The following ARRDC5 variants were observed in gnomAD, a reference collection of about 807,000 sequenced individuals.
The protein encoded by ARRDC5 is arrestin domain-containing protein 5.
Under a neutral mutation model 13.3 loss-of-function variants are expected in ARRDC5, and 12 were observed. That is an observed-to-expected ratio of 0.90 (90% CI 0.58 to 1.46). The LOEUF (loss-of-function observed/expected upper bound fraction) is 1.46. Ranked by LOEUF, ARRDC5 falls within the 40% of genes most tolerant of loss-of-function variation. The probability of loss-of-function intolerance (pLI) is 0.00; values close to 1 mark genes in which losing one functional copy is unlikely to be tolerated. For synonymous variants in ARRDC5, 181 were observed against 173.4 expected (o/e 1.04, Z -0.34); for missense variants, 406 against 418.7 (o/e 0.97, Z 0.26).
At chr19:4,910,714 TG>T in the ARRDC5 span, 1 of 684,774 alleles carries the variant, frequency 1.5e-6, no homozygotes, top group Non-Finnish European at 2.3e-6. Flanking sequence ...TTGTTGTGTC[TG>T]GTCCTGGCCA....
intron 2 of ARRDC5, among the ~76,000 whole-genome samples, chr19:4,894,338 C>G (rs1262818169): frequency 2.7e-5 from 4 of 150,408 alleles, no homozygotes; most frequent in Non-Finnish European, 5.9e-5. Context: ...GGTGAAACCC[C>G]GTCTCTACTA....
upstream of ARRDC5, among the ~76,000 whole-genome samples, chr19:4,904,379 T>C (rs112029523): frequency 0.014 from 2,134 of 152,122 alleles, 42 homozygotes; most frequent in African/African-American, 0.048. Context: ...CGGGGTTTCA[T>C]CATGTTAGCC....
At chr19:4,908,071 T>C in the ARRDC5 span, among the ~76,000 whole-genome samples, 1 of 152,180 alleles carries the variant, frequency 6.6e-6, no homozygotes, top group East Asian at 1.9e-4. Flanking sequence ...CTTTGACCTT[T>C]TGTATCCCTT....
intron 2 of ARRDC5, among the ~76,000 whole-genome samples, chr19:4,896,399 C>CAT (rs1297041082): frequency 3.6e-4 from 47 of 130,964 alleles, no homozygotes; most frequent in Middle Eastern, 7.8e-3. Flanking sequence ...CACACACACA[C>CAT]ACACACATAT....
chr19:4,911,130 C>A, the ARRDC5 span: 12 of 1,238,558 alleles, frequency 9.7e-6, no homozygotes, highest in Non-Finnish European at 1.2e-5. Context: ...CCCACCTCCC[C>A]CCCCAACAAC....
chr19:4,912,359 C>G, the ARRDC5 span, among the ~76,000 whole-genome samples: 1 of 152,216 alleles, frequency 6.6e-6, no homozygotes, highest in Non-Finnish European at 1.5e-5. Context: ...GCACAGAAGG[C>G]TTCATTTCAC....
chr19:4,898,540 T>C (rs567847601), intron 1 of ARRDC5, among the ~76,000 whole-genome samples: 22 of 152,218 alleles, frequency 1.4e-4, no homozygotes, highest in African/African-American at 5.1e-4. Context: ...TTTTGTATTT[T>C]TAGTAGAGAT....
In ARRDC5 at chr19:4,896,849, G is replaced by T; in HGVS notation, c.281C>A (p.Thr94Asn). The T allele has an allele frequency of 6.2e-7, 1 of 1,613,790 alleles. No homozygotes were observed. Among genetic ancestry groups the T allele is most frequent in the East Asian group, 2.2e-5 (1 of 44,882 alleles). Residue 94 changes from threonine (T) to asparagine (N), a missense_variant, in exon 2 of 3, where the codon ACC becomes AAC. By Grantham distance (65) the Thr-to-Asn change is moderately conservative (BLOSUM62 0). Transcript: ENST00000650722. ...AGGTAAGTTGAAATGGAAGTCAAAGGTGTGGCTGCCTGCACTTAACCAATT... is the reference window on the plus strand; with the variant it reads ...AGGTAAGTTGAAATGGAAGTCAAAGTTGTGGCTGCCTGCACTTAACCAATT... ...EDNWLSAGSH[T>N]FDFHFNLPPR...
In ARRDC5 at chr19:4,891,277, C is replaced by T. The variant is rs753936870; in HGVS notation, c.756G>A (p.Lys252=). The stretch of plus-strand genomic sequence containing the variant: ...ACGGCAGGTTGAAGGTGCTGACAAC[C>T]TTGGTGGTGTTGAAGCGGGTCACGG... ...NTPVTRFNTT[K]VVSTFNLPLL... The change falls in exon 3 of 3, where the codon AAG becomes AAA. Residue 252 remains lysine, a synonymous_variant. Transcript: ENST00000650722. 1.9e-6 allele frequency: 3 copies of T among 1,613,940 alleles called. No individual in the cohort carries two copies. The highest frequency in any genetic ancestry group is 2.2e-5 in the South Asian group (2 of 91,086).
At chr19:4,910,744 G>A in the ARRDC5 span, 1 of 1,100,554 alleles carries the variant, frequency 9.1e-7, no homozygotes. Context: ...CTGTACAGGA[G>A]GACTGGAAGG....
upstream of ARRDC5, among the ~76,000 whole-genome samples, chr19:4,904,324 G>A (rs1026296614): frequency 1.9e-4 from 29 of 152,170 alleles, no homozygotes; most frequent in Admixed American, 4.6e-4. Flanking sequence ...GACTACAGGC[G>A]TCCGCCACAA....
chr19:4,899,762 T>TCCA (rs2031852230), intron 1 of ARRDC5, among the ~76,000 whole-genome samples: 1 of 21,938 alleles, frequency 4.6e-5, no homozygotes, highest in Non-Finnish European at 7.4e-5. Flanking sequence ...ACCCCGTCTC[T>TCCA]ACAAAAAAAA....
chr19:4,896,764 A>G lies in ARRDC5; in HGVS notation c.366T>C (p.Ala122=). ...AAATGTGTTCCCTGCCCATGCAGGA[A>G]GCTTGTACGAAATAGAAGACATGGC... is the stretch of plus-strand genomic sequence containing the variant. ...KFGHVFYFVQ[A]SCMGREHILA... is the part of the protein sequence containing the mutation. Residue 122 remains alanine (A), a synonymous_variant, in exon 2 of 3, where the codon GCT becomes GCC. Transcript: ENST00000650722. 1 of 1,613,760 alleles carries G rather than the reference A, an allele frequency of 6.2e-7. No individual in the cohort carries two copies. Among genetic ancestry groups the G allele is most frequent in the Non-Finnish European group, 8.5e-7 (1 of 1,179,740 alleles).
intron 2 of ARRDC5, among the ~76,000 whole-genome samples, chr19:4,893,370 A>G (rs1251408424): frequency 1.4e-5 from 2 of 138,148 alleles, no homozygotes; most frequent in Admixed American, 7.5e-5. Flanking sequence ...GCCGGGTGTG[A>G]TGGCACGCAA....
At chr19:4,893,342 C>G (rs1303170770) in intron 2 of ARRDC5, among the ~76,000 whole-genome samples, 1 of 144,128 alleles carries the variant, frequency 6.9e-6, no homozygotes, top group Non-Finnish European at 1.5e-5. Context: ...CCCATCTCTA[C>G]TAAAAATACA....
the ARRDC5 span, chr19:4,910,737 T>C: frequency 5.9e-6 from 6 of 1,011,992 alleles, no homozygotes; most frequent in African/African-American, 8.2e-5. Context: ...GGTCTGGCTG[T>C]ACAGGAGGAC....
chr19:4,904,185 G>A (rs1568400928), upstream of ARRDC5, among the ~76,000 whole-genome samples: 1 of 142,764 alleles, frequency 7.0e-6, no homozygotes, highest in Non-Finnish European at 1.5e-5. Context: ...TTTTGTTTTT[G>A]TTTTTTTTTT....
At chr19:4,909,640 C>G in the ARRDC5 span, 4 of 572,552 alleles carry the variant, frequency 7.0e-6, no homozygotes, top group African/African-American at 2.0e-5. Flanking sequence ...ACAAGCTGTT[C>G]GCGGCGACCG....
chr19:4,892,753 T>C (rs1302323589), intron 2 of ARRDC5, among the ~76,000 whole-genome samples: 1 of 152,140 alleles, frequency 6.6e-6, no homozygotes, highest in Non-Finnish European at 1.5e-5. Flanking sequence ...TTTATCTTAA[T>C]ATAAAAAAGT....
Sources: gnomAD v4.1 joint callset for allele counts (sites outside exome capture counted in the v4.1 genomes callset) on GRCh38, gnomAD v4.1.1 for gene constraint, MANE v1.5 for transcripts, NCBI Gene and HGNC (gene_info 2026-07-23, HGNC 2026-07-21) for gene names.